The following ANKRD52 variants were observed in gnomAD, a reference collection of about 807,000 sequenced individuals.
ANKRD52 encodes the protein ankyrin repeat domain 52.
In ANKRD52, 7 loss-of-function variants were observed where a neutral mutation model predicts 116.0. The ratio of observed to expected loss-of-function variants is 0.06; its 90% CI spans 0.03 to 0.11. The LOEUF is 0.11. ANKRD52 is among the 10% of genes least tolerant of loss of function. ANKRD52 has a pLI of 1.00. For synonymous variants in ANKRD52, 528 were observed against 578.1 expected, an observed-to-expected ratio of 0.91 and a Z score of 1.24; for missense variants, 839 against 1,408.6, an observed-to-expected ratio of 0.60 and a Z score of 6.47.
chr12:56,251,926 T>C (rs1480106764), intron 15 of ANKRD52, 89 bp downstream of exon 15: 1 of 1,401,490 alleles, frequency 7.1e-7, no homozygotes, highest in Non-Finnish European at 9.9e-7. Flanking sequence ...CAGTATAGGG[T>C]AGAGGTTCAG....
Position 56,253,207 on chromosome 12 carries a change from C to T in ANKRD52, c.1100+81G>A, listed in dbSNP as rs962726319. 6.7e-7 allele frequency: 1 copy of T among 1,499,002 alleles called. No homozygotes were observed. Among genetic ancestry groups the T allele is most frequent in the Non-Finnish European group, 9.2e-7 (1 of 1,092,648 alleles). The allele number at this position is 1,499,002 out of a possible 1,614,324, so 92.9% of individuals were successfully genotyped here. A position where few individuals can be genotyped will look rare whatever the true frequency, so the allele number is the denominator to read the frequency against. On this transcript the variant is annotated intron_variant, in intron 10 of 27. Coordinates refer to ENST00000267116, the MANE Select transcript of ANKRD52 (RefSeq NM_173595.4). The surrounding 1 kb of genome is among the most constrained non-coding windows in gnomAD (Gnocchi z 5.5). ...GTTCTCCAAGGTGCCCTTTGGCAAG[C>T]TTATCTGTGCCTCCATGGTTGATGT...
At position 56,248,337 on chromosome 12, in the gene ANKRD52, C is replaced by T; in HGVS notation, c.1777-113G>A. On this transcript the variant is annotated intron_variant, in intron 17 of 27. Transcript: ENST00000267116. The surrounding 1 kb of genome is among the most constrained non-coding windows in gnomAD (Gnocchi z 5.1). ...GCTCAAGGTCTTAGTCCTTGACAAG[C>T]TCCTTGGGCCCCTTAAGGCTTCCTA... 6.9e-7 allele frequency: 1 copy of T among 1,445,128 alleles called. No homozygotes were observed. Among genetic ancestry groups the T allele is most frequent in the Non-Finnish European group, 9.6e-7 (1 of 1,045,562 alleles). The allele number at this position is 1,445,128 out of a possible 1,614,324, so 89.5% of individuals were successfully genotyped here.
Position 56,241,482 on chromosome 12 carries a change from A to C in ANKRD52, c.*1660T>G, listed in dbSNP as rs1165910207. 6.6e-6 allele frequency: 1 copy of C among 152,374 alleles called. No individual in the cohort carries two copies. The highest frequency in any genetic ancestry group is 1.5e-5 in the Non-Finnish European group (1 of 68,188). The allele number at this position is 152,374 out of a possible 1,614,324, so 9.4% of individuals were successfully genotyped here. A position where few individuals can be genotyped will look rare whatever the true frequency, so the allele number is the denominator to read the frequency against. On this transcript the variant is annotated 3_prime_UTR_variant, in exon 28 of 28. Coordinates refer to ENST00000267116, the MANE Select transcript of ANKRD52 (RefSeq NM_173595.4). ...AGGGTATACAACTAAAAGATGGGTA[A>C]GACTGTGAATAAAGCAAACTTGAGT...
rs1871783748 is a variant in ANKRD52 at position 56,253,156 on chromosome 12, C to T, written c.1101-70G>A. On this transcript the variant is annotated intron_variant, in intron 10 of 27. Coordinates refer to ENST00000267116, the MANE Select transcript of ANKRD52 (RefSeq NM_173595.4). This position sits in a 1 kb window ranked among gnomAD's most constrained non-coding sequence, Gnocchi z 5.5. ...CAAGTAAGACCTCTTCTGTGACCTA[C>T]CACCACCCTAGAGTCAGGGTAGGAG... The T allele has an allele frequency of 2.7e-6, 4 of 1,455,206 alleles. No individual in the cohort carries two copies. The highest frequency in any genetic ancestry group is 3.7e-6 in the Non-Finnish European group (4 of 1,071,844). 90.1% of individuals were successfully genotyped at this position (1,455,206 alleles called of 1,614,324 possible).
Position 56,243,412 on chromosome 12 carries a change from A to G in ANKRD52, c.2981-20T>C. On this transcript the variant is annotated intron_variant, in intron 27 of 27. Transcript: ENST00000267116. This position sits in a 1 kb window ranked among gnomAD's most constrained non-coding sequence, Gnocchi z 4.6. ...TGTGACCTGCAGGGCCAAGGGGGAG[A>G]ACTGAGGCATAGAGTCCTGTATCCT... 6.2e-7 allele frequency: 1 copy of G among 1,611,618 alleles called. No individual in the cohort carries two copies. The highest frequency in any genetic ancestry group is 8.5e-7 in the Non-Finnish European group (1 of 1,178,876).
intron 15 of ANKRD52, among the ~76,000 whole-genome samples, chr12:56,249,912 C>A (rs1177509942): frequency 2.6e-5 from 4 of 152,314 alleles, no homozygotes; most frequent in Middle Eastern, 3.4e-3. Flanking sequence ...TGGCAGCGTG[C>A]TCCTGTAGTC....
Position 56,254,660 on chromosome 12 carries a change from C to T in ANKRD52, c.611G>A (p.Arg204His), listed in dbSNP as rs781728330. 1.4e-5 allele frequency: 23 copies of T among 1,613,584 alleles called. No homozygotes were observed. The highest frequency in any genetic ancestry group is 5.3e-5 in the African/African-American group (4 of 74,918). The change falls in exon 7 of 28, where the codon CGC becomes CAC. Residue 204 changes from arginine (R) to histidine (H), a missense_variant. Around this residue, in one of 2 missense-constraint regions of ANKRD52, gnomAD observed 287 missense variants for 598.1 expected, o/e 0.48. Coordinates refer to ENST00000267116, the MANE Select transcript of ANKRD52 (RefSeq NM_173595.4). This position sits in a 1 kb window ranked among gnomAD's most constrained non-coding sequence, Gnocchi z 4.6. ...TGTATGGAGCAGCCCATAGCCCTTG[C>T]GGTCCTTGCAGCCGAGGTCTGCTCC... is the stretch of plus-strand genomic sequence containing the variant. ...ARGADLGCKDRKGYGLLHTAA... is the reference protein window; with the variant it reads ...ARGADLGCKDHKGYGLLHTAA...
At position 56,237,861 on chromosome 12, in the gene ANKRD52, A is replaced by T; in HGVS notation, c.*5281T>A. 1 of 1,158,050 alleles carries T rather than the reference A, an allele frequency of 8.6e-7. No individual in the cohort carries two copies. Among genetic ancestry groups the T allele is most frequent in the Non-Finnish European group, 1.2e-6 (1 of 857,042 alleles). The allele number at this position is 1,158,050 out of a possible 1,614,324, so 71.7% of individuals were successfully genotyped here. A position where few individuals can be genotyped will look rare whatever the true frequency, so the allele number is the denominator to read the frequency against. On this transcript the variant is annotated 3_prime_UTR_variant, in exon 28 of 28. Coordinates refer to ENST00000267116, the MANE Select transcript of ANKRD52 (RefSeq NM_173595.4). Reference sequence around the variant, plus strand: ...CCCATCCCAAAGCCATGACTACGACAGTTGTACTTGCACCAAAACAGCATA... The same window carrying T: ...CCCATCCCAAAGCCATGACTACGACTGTTGTACTTGCACCAAAACAGCATA...
At position 56,248,962 on chromosome 12, in the gene ANKRD52, C is replaced by G. The variant is rs1871557023; in HGVS notation, c.1593-92G>C. 2.3e-6 allele frequency: 2 copies of G among 871,726 alleles called. No individual in the cohort carries two copies. Among genetic ancestry groups the G allele is most frequent in the Non-Finnish European group, 3.5e-6 (2 of 576,856 alleles). The allele number at this position is 871,726 out of a possible 1,614,324, so 54.0% of individuals were successfully genotyped here. On this transcript the variant is annotated intron_variant, in intron 15 of 27. Coordinates refer to ENST00000267116, the MANE Select transcript of ANKRD52 (RefSeq NM_173595.4). This position sits in a 1 kb window ranked among gnomAD's most constrained non-coding sequence, Gnocchi z 5.1. The stretch of plus-strand genomic sequence containing the variant: ...GGCCAGAGGAGAGGACCAAGGCCCT[C>G]CAGGCCTACCTGGCCGCCACCCGTC...
chr12:56,253,525 AT>A lies in ANKRD52; in HGVS notation c.986-124del. On this transcript the variant is annotated intron_variant, in intron 9 of 27. Coordinates refer to ENST00000267116, the MANE Select transcript of ANKRD52 (RefSeq NM_173595.4). This position sits in a 1 kb window ranked among gnomAD's most constrained non-coding sequence, Gnocchi z 5.5. ...AGGTGCCAGGCCCAGGATTCTACAT[AT>A]TTTATCCTGTTTCTAGGCCTTAGGA... is the stretch of plus-strand genomic sequence containing the variant. 1.1e-6 allele frequency: 1 copy of A among 949,304 alleles called. No individual in the cohort carries two copies. The highest frequency in any genetic ancestry group is 1.6e-6 in the Non-Finnish European group (1 of 614,448). 58.8% of individuals were successfully genotyped at this position (949,304 alleles called of 1,614,324 possible). A position where few individuals can be genotyped will look rare whatever the true frequency, so the allele number is the denominator to read the frequency against.
At position 56,257,853 on chromosome 12, in the gene ANKRD52, G is replaced by A. The variant is rs1358791013; in HGVS notation, c.86C>T (p.Ser29Leu). Residue 29 changes from serine to leucine, a missense_variant, in exon 2 of 28, where the codon TCG (serine) becomes TTG (leucine). This residue lies in a region of ANKRD52 where 287 missense variants were observed against 598.1 expected (regional missense o/e 0.48). Coordinates refer to ENST00000267116, the MANE Select transcript of ANKRD52 (RefSeq NM_173595.4). ...RDVEEVRSLL[S>L]QKENINVLDQ... ...CAGCACATTGATGTTCTCCTTCTGC[G>A]AGAGTAGGGAACGCACTTCCTCCAC... 3 of 1,613,760 alleles carry A rather than the reference G, an allele frequency of 1.9e-6. No homozygotes were observed. Among genetic ancestry groups the A allele is most frequent in the Admixed American group, 3.3e-5 (2 of 60,004 alleles).
intron 22 of ANKRD52, 49 bp from the exon 23 acceptor site, chr12:56,245,038 C>T (rs1871332861): frequency 6.2e-7 from 1 of 1,611,778 alleles, no homozygotes; most frequent in East Asian, 2.2e-5. Flanking sequence ...GGGAAGTAGA[C>T]TACCTGTCCT....
chr12:56,247,965 C>T (rs1236680910), intron 18 of ANKRD52, 58 bp downstream of exon 18: 29 of 1,513,084 alleles, frequency 1.9e-5, no homozygotes, highest in African/African-American at 5.5e-5. Context: ...GCCCCATTCC[C>T]ATCCAGGAGG....
Position 56,242,049 on chromosome 12 carries a change from T to G in ANKRD52, c.*1093A>C, listed in dbSNP as rs1212004290. The G allele has an allele frequency of 1.3e-5, 5 of 398,420 alleles. No individual in the cohort carries two copies. The highest frequency in any genetic ancestry group is 2.2e-5 in the Non-Finnish European group (5 of 226,068). 24.7% of individuals were successfully genotyped at this position (398,420 alleles called of 1,614,324 possible). Reference sequence around the variant, plus strand: ...CCTGCCCCTCCTACCATCTTTGGCTTCAGATCAGGAGTGACTGGGGCAGTG... The same window carrying G: ...CCTGCCCCTCCTACCATCTTTGGCTGCAGATCAGGAGTGACTGGGGCAGTG... On this transcript the variant is annotated 3_prime_UTR_variant, in exon 28 of 28. Coordinates refer to ENST00000267116, the MANE Select transcript of ANKRD52 (RefSeq NM_173595.4). The surrounding 1 kb of genome is among the most constrained non-coding windows in gnomAD (Gnocchi z 4.3).
chr12:56,257,141 G>A (rs1023796704), intron 3 of ANKRD52, 56 bp from the exon 4 acceptor site: 1 of 1,584,064 alleles, frequency 6.3e-7, no homozygotes, highest in Non-Finnish European at 8.6e-7. Context: ...TATGAAGGAA[G>A]CCAGTAATCA....
Position 56,255,058 on chromosome 12 carries a change from T to C in ANKRD52, c.463-106A>G. 3.5e-6 allele frequency: 4 copies of C among 1,148,986 alleles called. No homozygotes were observed. Among genetic ancestry groups the C allele is most frequent in the Non-Finnish European group, 5.0e-6 (4 of 792,586 alleles). 71.2% of individuals were successfully genotyped at this position (1,148,986 alleles called of 1,614,324 possible). A position where few individuals can be genotyped will look rare whatever the true frequency, so the allele number is the denominator to read the frequency against. On this transcript the variant is annotated intron_variant, in intron 5 of 27. Coordinates refer to ENST00000267116, the MANE Select transcript of ANKRD52 (RefSeq NM_173595.4). This position sits in a 1 kb window ranked among gnomAD's most constrained non-coding sequence, Gnocchi z 4.3. ...GAAAAGGCTGAGGCAGCCTAATGCC[T>C]TTTTCCATGAGCAAAACAACCTGGA...
intron 4 of ANKRD52, among the ~76,000 whole-genome samples, chr12:56,256,692 C>T (rs572805842): frequency 1.3e-5 from 2 of 152,326 alleles, no homozygotes; most frequent in African/African-American, 4.8e-5. Context: ...TCCTCCATCA[C>T]AAGGAAAAGA....
Position 56,254,531 on chromosome 12 carries a change from C to T in ANKRD52, c.693+47G>A, listed in dbSNP as rs2135891871. Reference sequence around the variant, plus strand: ...ATATCTCCGTAACAGACTATAATCTCCTACTTGCTGCCCATAGTTCCCAAC... The same window carrying T: ...ATATCTCCGTAACAGACTATAATCTTCTACTTGCTGCCCATAGTTCCCAAC... On this transcript the variant is annotated intron_variant, in intron 7 of 27. Coordinates refer to ENST00000267116, the MANE Select transcript of ANKRD52 (RefSeq NM_173595.4). This position sits in a 1 kb window ranked among gnomAD's most constrained non-coding sequence, Gnocchi z 4.6. 7 of 1,601,248 alleles carry T rather than the reference C, an allele frequency of 4.4e-6. No individual in the cohort carries two copies. The highest frequency in any genetic ancestry group is 2.2e-5 in the East Asian group (1 of 44,662).
Position 56,258,321 on chromosome 12 carries a change from C to T in ANKRD52, c.-52G>A. 2 of 1,511,056 alleles carry T rather than the reference C, an allele frequency of 1.3e-6. No individual in the cohort carries two copies. The highest frequency in any genetic ancestry group is 1.8e-6 in the Non-Finnish European group (2 of 1,130,468). 93.6% of individuals were successfully genotyped at this position (1,511,056 alleles called of 1,614,324 possible). A position where few individuals can be genotyped will look rare whatever the true frequency, so the allele number is the denominator to read the frequency against. The stretch of plus-strand genomic sequence containing the variant: ...GAGCTCCCGGCGGCGGCGGCGGCGG[C>T]TCCACCGGGGACACGGAGCGGCCCA... On this transcript the variant is annotated 5_prime_UTR_variant, in exon 1 of 28. Transcript: ENST00000267116.
Sources: gnomAD v4.1 joint callset for allele counts (sites outside exome capture counted in the v4.1 genomes callset) on GRCh38, gnomAD v4.1.1 for gene constraint, gnomAD v4.1.1 regional missense constraint, Gnocchi (gnomAD v3.1) non-coding constraint, MANE v1.5 for transcripts, NCBI Gene and HGNC (gene_info 2026-07-23, HGNC 2026-07-21) for gene names.